The following NOMO2 variants were observed in gnomAD, a reference collection of about 807,000 sequenced individuals.
The protein encoded by NOMO2 is BOS complex subunit NOMO2.
In NOMO2, 14 loss-of-function variants were observed where a neutral mutation model predicts 67.1. That is an observed-to-expected ratio of 0.21 (90% CI 0.14 to 0.33). The LOEUF is 0.33. Among genes scored for constraint, NOMO2 ranks in the 10% least tolerant of loss-of-function variants. The probability of loss-of-function intolerance (pLI) is 1.00; values close to 1 mark genes in which losing one functional copy is unlikely to be tolerated. For synonymous variants in NOMO2, 80 were observed against 305.9 expected, an observed-to-expected ratio of 0.26 and a Z score of 7.71; for missense variants, 178 against 761.0, an observed-to-expected ratio of 0.23 and a Z score of 9.01.
chr16:18,558,738 C>T, intron 1 of NOMO2: 1 of 426,906 alleles, frequency 2.3e-6, no homozygotes. Context: ...CCATCTGAGT[C>T]TTCCACGTGT....
chr16:18,526,969 C>A (rs1901159886), intron 16 of NOMO2, among the ~76,000 whole-genome samples: 1 of 151,340 alleles, frequency 6.6e-6, no homozygotes, highest in Admixed American at 6.6e-5. Context: ...GTAATCCCAG[C>A]ACTTTGGGAG....
At chr16:18,524,800 ACT>A (rs1210910734) in intron 16 of NOMO2, among the ~76,000 whole-genome samples, 1 of 133,602 alleles carries the variant, frequency 7.5e-6, no homozygotes, top group Non-Finnish European at 1.6e-5. Flanking sequence ...TAAGGTAACA[ACT>A]CACAGTAGTT....
chr16:18,550,198 C>CATAAAA, intron 4 of NOMO2, among the ~76,000 whole-genome samples: 1 of 66,616 alleles, frequency 1.5e-5, no homozygotes, highest in South Asian at 4.9e-4. Flanking sequence ...AGTAAATGTA[C>CATAAAA]ATAAAAATAA....
chr16:18,533,357 G>A, intron 11 of NOMO2, 178 bp from the exon 12 acceptor site: 1 of 614,982 alleles, frequency 1.6e-6, no homozygotes, highest in Non-Finnish European at 2.8e-6. Flanking sequence ...CCTTCATTCT[G>A]GTTTTAAAAA....
intron 2 of NOMO2, among the ~76,000 whole-genome samples, chr16:18,557,473 A>G (rs1258605137): frequency 6.6e-6 from 1 of 151,692 alleles, no homozygotes; most frequent in East Asian, 1.9e-4. Flanking sequence ...TGTCACAACA[A>G]AAACGTCTCT....
At chr16:18,557,573 T>G in intron 2 of NOMO2, 129 bp downstream of exon 2, 1 of 1,597,268 alleles carries the variant, frequency 6.3e-7, no homozygotes, top group South Asian at 1.1e-5. Flanking sequence ...GTGACTAGGA[T>G]TATCATATTC....
intron 4 of NOMO2, among the ~76,000 whole-genome samples, chr16:18,551,130 C>T (rs985383825): frequency 1.1e-4 from 16 of 151,938 alleles, no homozygotes; most frequent in Non-Finnish European, 1.5e-4. Flanking sequence ...GTCAAGATTG[C>T]ACCACTGCAC....
At chr16:18,538,995 C>T (rs1247837244) in intron 9 of NOMO2, 31 bp from the exon 10 acceptor site, 4 of 1,600,102 alleles carry the variant, frequency 2.5e-6, no homozygotes, top group East Asian at 2.2e-5. Flanking sequence ...AGAAGGTGCT[C>T]GAAGGTGCTC....
chr16:18,541,926 G>A (rs1381908333), intron 9 of NOMO2, among the ~76,000 whole-genome samples: 3 of 102,192 alleles, frequency 2.9e-5, no homozygotes, highest in African/African-American at 1.1e-4. Context: ...CCCAGTCCTG[G>A]AATGGTGCCT....
At chr16:18,539,765 C>G (rs1410753458) in intron 9 of NOMO2, among the ~76,000 whole-genome samples, 6 of 151,774 alleles carry the variant, frequency 4.0e-5, no homozygotes, top group African/African-American at 1.5e-4. Context: ...AAAAAGAAAT[C>G]CACCTAGACC....
At chr16:18,549,352 T>C (rs1364729453) in intron 5 of NOMO2, among the ~76,000 whole-genome samples, 169 bp downstream of exon 5, 1 of 151,448 alleles carries the variant, frequency 6.6e-6, no homozygotes, top group Non-Finnish European at 1.5e-5. Context: ...GGATTCCATT[T>C]CACATGTGGG....
intron 2 of NOMO2, among the ~76,000 whole-genome samples, chr16:18,556,955 G>C (rs181571450): frequency 6.6e-6 from 1 of 151,898 alleles, no homozygotes; most frequent in Non-Finnish European, 1.5e-5. Context: ...GCAAAACCCC[G>C]TCACTATTAA....
intron 16 of NOMO2, among the ~76,000 whole-genome samples, chr16:18,526,555 A>G (rs1260209167): frequency 1.3e-5 from 2 of 151,626 alleles, no homozygotes; most frequent in Non-Finnish European, 2.9e-5. Context: ...ATATGATATA[A>G]CCACACACCA....
intron 4 of NOMO2, among the ~76,000 whole-genome samples, chr16:18,551,208 C>T (rs962389597): frequency 6.6e-6 from 1 of 151,934 alleles, no homozygotes; most frequent in African/African-American, 2.4e-5. Flanking sequence ...ACACCAACAG[C>T]CTATGCTCTG....
At chr16:18,555,931 C>T (rs1901894567) in intron 2 of NOMO2, among the ~76,000 whole-genome samples, 1 of 81,650 alleles carries the variant, frequency 1.2e-5, no homozygotes, top group Non-Finnish European at 2.6e-5. Context: ...GAGACTGATA[C>T]TGATACTATT....
intron 14 of NOMO2, among the ~76,000 whole-genome samples, chr16:18,529,930 A>G (rs1299847261): frequency 1.3e-5 from 2 of 150,448 alleles, no homozygotes; most frequent in Non-Finnish European, 3.0e-5. Flanking sequence ...AGTCTGACCA[A>G]CATAGCAAAA....
rs564126257 is a variant in NOMO2, at chr16:18,540,766, TTG to T, written c.963+1404_963+1405del. On this transcript the variant is annotated intron_variant, in intron 9 of 30. Coordinates refer to ENST00000622306, the MANE Select transcript of NOMO2 (RefSeq NM_173614.4). ...TATAATTGCTTCGATAACTCTAACA[TTG>T]GGTGGTCCACTTAGGAGAGGCTGTT... Among the ~76,000 whole-genome samples, 645 of 132,610 alleles carry T rather than the reference TTG, an allele frequency of 4.9e-3. 2 individuals are homozygous for T. The highest frequency in any genetic ancestry group is 0.017 in the African/African-American group (611 of 36,426). The allele number at this position is 132,610 out of a possible 152,430, so 87.0% of individuals were successfully genotyped here.
At chr16:18,531,350 C>G in intron 13 of NOMO2, 116 bp downstream of exon 13, 1 of 1,538,888 alleles carries the variant, frequency 6.5e-7, no homozygotes, top group Non-Finnish European at 8.9e-7. Flanking sequence ...AAGCCTCCCT[C>G]GCACGCAGGT....
rs1301488927 is a variant in NOMO2, at chr16:18,527,849, AG to A, written c.1807-226del. ...GAGCACCTGCTATGTGACAGACACA[AG>A]GCTGGGCCTTGGGAGTCATGACCAT... On this transcript the variant is annotated intron_variant, in intron 15 of 30. Transcript: ENST00000622306. Among the ~76,000 whole-genome samples the A allele has an allele frequency of 4.1e-5, 6 of 147,820 alleles. No individual in the cohort carries two copies. The East Asian group carries it at 1.2e-3, about 29-fold the overall frequency.
Sources: allele counts gnomAD v4.1 joint callset (sites outside exome capture counted in the v4.1 genomes callset), GRCh38; gene constraint gnomAD v4.1.1; transcripts MANE v1.5; gene names NCBI Gene and HGNC (gene_info 2026-07-23, HGNC 2026-07-21).